Variants in HEPACAM observed in about 807,000 individuals in gnomAD.
HEPACAM encodes the protein hepatic and glial cell adhesion molecule.
In HEPACAM, 18 loss-of-function variants were observed where a neutral mutation model predicts 38.3. That is an observed-to-expected ratio of 0.47 (90% CI 0.33 to 0.70). HEPACAM has a LOEUF of 0.70. HEPACAM is among the 30% of genes least tolerant of loss of function. The probability of loss-of-function intolerance (pLI) is 0.03; values close to 1 mark genes in which losing one functional copy is unlikely to be tolerated. For synonymous variants in HEPACAM, 216 were observed against 243.1 expected (o/e 0.89, Z 1.04); for missense variants, 466 against 563.0 (o/e 0.83, Z 1.74).
At position 124,921,083 on chromosome 11, in the gene HEPACAM, C is replaced by T. The variant is rs1591546653; in HGVS notation, c.*55G>A. The T allele has an allele frequency of 8.0e-6, 12 of 1,508,768 alleles. No individual in the cohort carries two copies. The highest frequency in any genetic ancestry group is 8.8e-6 in the Non-Finnish European group (10 of 1,134,184). The allele number at this position is 1,508,768 out of a possible 1,614,324, so 93.5% of individuals were successfully genotyped here. On this transcript the variant is annotated 3_prime_UTR_variant, in exon 7 of 7. Transcript: ENST00000298251. The surrounding 1 kb of genome is among the most constrained non-coding windows in gnomAD (Gnocchi z 4.6). ...GCCCGGGCTTCCCAGCCCCAGCTTTCCCCCGGGCCACTGGCCGCAGACCGC... is the reference window on the plus strand; with the variant it reads ...GCCCGGGCTTCCCAGCCCCAGCTTTTCCCCGGGCCACTGGCCGCAGACCGC...
chr11:124,934,845 T>TGACAGTCCCC (rs1947322902), intron 1 of HEPACAM, among the ~76,000 whole-genome samples: 1 of 152,112 alleles, frequency 6.6e-6, no homozygotes. Context: ...CATGTAACCC[T>TGACAGTCCCC]GACAGTCCCC....
In HEPACAM at chr11:124,923,578, C is replaced by T. The variant is rs956548037; in HGVS notation, c.710-145G>A. The T allele has an allele frequency of 7.1e-6, 8 of 1,121,816 alleles. No individual in the cohort carries two copies. In the African/African-American group the frequency reaches 1.1e-4, roughly 15 times the overall value. The allele number at this position is 1,121,816 out of a possible 1,614,324, so 69.5% of individuals were successfully genotyped here. ...CTGGTGGTGGAGCTTGTACAGAACC[C>T]ACTGGCTACCTGTTGGTGTCCTCCA... On this transcript the variant is annotated intron_variant, in intron 3 of 6. Transcript: ENST00000298251.
chr11:124,920,044 C>T lies in HEPACAM; in HGVS notation c.*1094G>A, dbSNP rs1356274344. 2 of 1,602,836 alleles carry T rather than the reference C, an allele frequency of 1.2e-6. No homozygotes were observed. Among genetic ancestry groups the T allele is most frequent in the East Asian group, 2.2e-5 (1 of 44,760 alleles). ...TAGGGAGTCTGCCCTTTTTCTGTGC[C>T]CTGGGACCTGAGCATGTGGGAGCAG... On this transcript the variant is annotated 3_prime_UTR_variant, in exon 7 of 7. Transcript: ENST00000298251.
chr11:124,920,629 T>A lies in HEPACAM; in HGVS notation c.*509A>T. The A allele has an allele frequency of 9.5e-7, 1 of 1,050,498 alleles. No individual in the cohort carries two copies. Among genetic ancestry groups the A allele is most frequent in the Non-Finnish European group, 1.2e-6 (1 of 867,124 alleles). 65.1% of individuals were successfully genotyped at this position (1,050,498 alleles called of 1,614,324 possible). On this transcript the variant is annotated 3_prime_UTR_variant, in exon 7 of 7. Coordinates refer to ENST00000298251, the MANE Select transcript of HEPACAM (RefSeq NM_152722.5). ...AACCGGCATCTGGCTTCTCCTTAGC[T>A]TAGTGCAGCTGTGGATTCTGGGAAA...
Position 124,919,872 on chromosome 11 carries a change from G to A in HEPACAM, c.*1266C>T, listed in dbSNP as rs775766828. The A allele has an allele frequency of 3.7e-6, 6 of 1,614,096 alleles. No homozygotes were observed. The highest frequency in any genetic ancestry group is 2.2e-5 in the South Asian group (2 of 91,062). ...AGGAGGAGGGAATGGAATACACAGA[G>A]GGCCTCCTTCTCTTTCAGCTTTTTA... On this transcript the variant is annotated 3_prime_UTR_variant, in exon 7 of 7. Transcript: ENST00000298251.
At chr11:124,923,566 T>C in intron 3 of HEPACAM, 133 bp from the exon 4 acceptor site, 5 of 1,103,138 alleles carry the variant, frequency 4.5e-6, no homozygotes, top group Non-Finnish European at 6.8e-6. Flanking sequence ...GTGGTGGAGC[T>C]TGTACAGAAC....
Position 124,920,682 on chromosome 11 carries a change from A to C in HEPACAM, c.*456T>G. 22 of 702,444 alleles carry C rather than the reference A, an allele frequency of 3.1e-5. No individual in the cohort carries two copies. In the African/African-American group the frequency reaches 8.2e-4, roughly 26 times the overall value. 43.5% of individuals were successfully genotyped at this position (702,444 alleles called of 1,614,324 possible). ...GGCCTCTCTAATCTGAACTTGCAAA[A>C]AAAAAAAAAAAAAAAAAAAAAAAAA... is the stretch of plus-strand genomic sequence containing the variant. On this transcript the variant is annotated 3_prime_UTR_variant, in exon 7 of 7. Transcript: ENST00000298251.
chr11:124,926,328 G>A (rs1947208165), intron 1 of HEPACAM, among the ~76,000 whole-genome samples: 1 of 152,136 alleles, frequency 6.6e-6, no homozygotes, highest in South Asian at 2.1e-4. Flanking sequence ...CAGAGTTTTG[G>A]GCCTTATTAT....
At position 124,919,813 on chromosome 11, in the gene HEPACAM, G is replaced by A; in HGVS notation, c.*1325C>T. The A allele has an allele frequency of 6.2e-7, 1 of 1,614,214 alleles. No homozygotes were observed. The highest frequency in any genetic ancestry group is 8.5e-7 in the Non-Finnish European group (1 of 1,180,034). ...ATGGCGAATCAGAGCTGGAGTTTAG[G>A]AGACTAGGGATGCAAGGACCCTTGG... On this transcript the variant is annotated 3_prime_UTR_variant, in exon 7 of 7. Transcript: ENST00000298251.
At position 124,924,044 on chromosome 11, in the gene HEPACAM, T is replaced by C. The variant is rs1197703582; in HGVS notation, c.428-34A>G. ...CAGGAATGGGGGAGCCTGTAAGTCA[T>C]TGGCTAAGAAGTGTCTCCCTTCCCC... On this transcript the variant is annotated intron_variant, in intron 2 of 6. Transcript: ENST00000298251. The surrounding 1 kb of genome is among the most constrained non-coding windows in gnomAD (Gnocchi z 4.4). 4.4e-6 allele frequency: 7 copies of C among 1,584,344 alleles called. No homozygotes were observed. The highest frequency in any genetic ancestry group is 1.8e-5 in the Admixed American group (1 of 56,790).
chr11:124,919,821 G>C lies in HEPACAM; in HGVS notation c.*1317C>G. On this transcript the variant is annotated 3_prime_UTR_variant, in exon 7 of 7. Coordinates refer to ENST00000298251, the MANE Select transcript of HEPACAM (RefSeq NM_152722.5). ...TCAGAGCTGGAGTTTAGGAGACTAGGGATGCAAGGACCCTTGGAGGCATTA... is the reference window on the plus strand; with the variant it reads ...TCAGAGCTGGAGTTTAGGAGACTAGCGATGCAAGGACCCTTGGAGGCATTA... 6.2e-7 allele frequency: 1 copy of C among 1,614,146 alleles called. No homozygotes were observed. The highest frequency in any genetic ancestry group is 8.5e-7 in the Non-Finnish European group (1 of 1,180,026).
chr11:124,920,786 A>G lies in HEPACAM; in HGVS notation c.*352T>C. ...CAACACAGCTCCCTAGGAAGAGCAC[A>G]GGATAGTCACGGGGGTTAGGTTACT... is the stretch of plus-strand genomic sequence containing the variant. On this transcript the variant is annotated 3_prime_UTR_variant, in exon 7 of 7. Coordinates refer to ENST00000298251, the MANE Select transcript of HEPACAM (RefSeq NM_152722.5). 2.8e-6 allele frequency: 3 copies of G among 1,083,224 alleles called. No individual in the cohort carries two copies. Among genetic ancestry groups the G allele is most frequent in the Non-Finnish European group, 3.4e-6 (3 of 893,192 alleles). The allele number at this position is 1,083,224 out of a possible 1,614,324, so 67.1% of individuals were successfully genotyped here.
At position 124,920,677 on chromosome 11, in the gene HEPACAM, G is replaced by GAAAAA. The variant is rs1565336612; in HGVS notation, c.*460_*461insTTTTT. On this transcript the variant is annotated 3_prime_UTR_variant, in exon 7 of 7. Transcript: ENST00000298251. ...AAAGTGGCCTCTCTAATCTGAACTT[G>GAAAAA]CAAAAAAAAAAAAAAAAAAAAAAAA... 52 of 108,148 alleles carry GAAAAA rather than the reference G, an allele frequency of 4.8e-4. 1 individual carries two copies. The African/African-American group carries it at 6.0e-3, about 12-fold the overall frequency. The allele number at this position is 108,148 out of a possible 1,614,324, so 6.7% of individuals were successfully genotyped here.
intron 1 of HEPACAM, among the ~76,000 whole-genome samples, chr11:124,933,407 GC>G (rs5795438): frequency 0.079 from 11,944 of 152,092 alleles, 1,081 homozygotes; most frequent in East Asian, 0.45. Flanking sequence ...CTGGGCTCAA[GC>G]AATCCAACTG....
Position 124,921,470 on chromosome 11 carries a change from G to T in HEPACAM, c.949-30C>A. 1 of 1,237,976 alleles carries T rather than the reference G, an allele frequency of 8.1e-7. No homozygotes were observed. The highest frequency in any genetic ancestry group is 3.0e-5 in the East Asian group (1 of 32,908). 76.7% of individuals were successfully genotyped at this position (1,237,976 alleles called of 1,614,324 possible). On this transcript the variant is annotated intron_variant, in intron 6 of 6. Transcript: ENST00000298251. The surrounding 1 kb of genome is among the most constrained non-coding windows in gnomAD (Gnocchi z 4.6). ...AAGGACACGCGCCGCAGGGGTCAGG[G>T]GACAGTCAGCCCAGCCTGGGAGCGC...
chr11:124,927,510 G>GTTTTTTTTTTTTTTTTTTT (rs763291809), intron 1 of HEPACAM, among the ~76,000 whole-genome samples: 6 of 99,192 alleles, frequency 6.0e-5, no homozygotes, highest in African/African-American at 8.4e-5. Flanking sequence ...GCCCAGCTAG[G>GTTTTTTTTTTTTTTTTTTT]TTTTTTTTTT....
At chr11:124,926,780 C>T (rs1463446754) in intron 1 of HEPACAM, among the ~76,000 whole-genome samples, 1 of 152,168 alleles carries the variant, frequency 6.6e-6, no homozygotes, top group Non-Finnish European at 1.5e-5. Context: ...TGTACCTTTT[C>T]ATTCCTTATT....
In HEPACAM at chr11:124,922,111, G is replaced by A. The variant is rs78239977; in HGVS notation, c.948+277C>T. Among the ~76,000 whole-genome samples the A allele has an allele frequency of 0.016, 2,491 of 152,292 alleles. 32 individuals are homozygous for A. Among genetic ancestry groups the A allele is most frequent in the Middle Eastern group, 0.048 (14 of 294 alleles). ...CATTCGATTCTCGATTCTCGTAGGA[G>A]CACACACCCTATTGTGAATTGAGCA... On this transcript the variant is annotated intron_variant, in intron 6 of 6. Coordinates refer to ENST00000298251, the MANE Select transcript of HEPACAM (RefSeq NM_152722.5).
At position 124,925,084 on chromosome 11, in the gene HEPACAM, C is replaced by T; in HGVS notation, c.86-15G>A. The T allele has an allele frequency of 6.4e-7, 1 of 1,564,816 alleles. No individual in the cohort carries two copies. The highest frequency in any genetic ancestry group is 2.3e-5 in the East Asian group (1 of 44,290). ...CTCCAGGGGGTCTGTGAACAGAGGC[C>T]CATGAGGAAGAGGGAAGCATCAGGC... On this transcript the variant is annotated splice_polypyrimidine_tract_variant and intron_variant, in intron 1 of 6. Coordinates refer to ENST00000298251, the MANE Select transcript of HEPACAM (RefSeq NM_152722.5).
Sources: allele counts gnomAD v4.1 joint callset (sites outside exome capture counted in the v4.1 genomes callset), GRCh38; gene constraint gnomAD v4.1.1; non-coding constraint Gnocchi (gnomAD v3.1); transcripts MANE v1.5; gene names NCBI Gene and HGNC (gene_info 2026-07-23, HGNC 2026-07-21).